FSIP1: variants seen among roughly 807,000 people sequenced by gnomAD.
The protein encoded by FSIP1 is fibrous sheath-interacting protein 1.
Under a neutral mutation model 60.9 loss-of-function variants are expected in FSIP1, and 65 were observed. The observed-to-expected ratio is 1.07, with a 90% CI of 0.87 to 1.31. FSIP1 has a LOEUF of 1.31. FSIP1 is among the 40% of genes most tolerant of loss of function. FSIP1 has a pLI of 0.00. For synonymous variants in FSIP1, 209 were observed against 221.2 expected (o/e 0.94, Z 0.49); for missense variants, 675 against 665.5 (o/e 1.01, Z -0.16).
At chr15:39,738,800 T>C (rs1177675908) in intron 7 of FSIP1, among the ~76,000 whole-genome samples, 2 of 152,210 alleles carry the variant, frequency 1.3e-5, no homozygotes, top group African/African-American at 2.4e-5. Context: ...AAGAAGATCA[T>C]ATGAATGTGG....
chr15:39,707,579 G>C (rs1263740237), intron 10 of FSIP1, among the ~76,000 whole-genome samples: 1 of 151,866 alleles, frequency 6.6e-6, no homozygotes, highest in Non-Finnish European at 1.5e-5. Flanking sequence ...CCTTATCCTG[G>C]AAACAAGCTT....
In FSIP1 at chr15:39,645,893, G is replaced by T. The variant is rs892784807; in HGVS notation, c.1189-27648C>A. ...CAGACAGAGTCCGGGGTGGAAGGGG[G>T]CAGGGTCCCCAGTAAGGCCCCACTT... On this transcript the variant is annotated intron_variant, in intron 10 of 11. Coordinates refer to ENST00000350221, the MANE Select transcript of FSIP1 (RefSeq NM_152597.5). Among the ~76,000 whole-genome samples the T allele has an allele frequency of 3.3e-5, 5 of 152,338 alleles. 1 individual carries two copies. The highest frequency in any genetic ancestry group is 6.5e-5 in the Admixed American group (1 of 15,310).
chr15:39,746,053 T>C (rs190866199), intron 5 of FSIP1, among the ~76,000 whole-genome samples: 62 of 152,094 alleles, frequency 4.1e-4, no homozygotes, highest in African/African-American at 1.5e-3. Flanking sequence ...CACTACAGCC[T>C]GGGCAACAAA....
intron 7 of FSIP1, 150 bp downstream of exon 7, chr15:39,739,515 A>G: frequency 3.0e-6 from 2 of 671,884 alleles, no homozygotes; most frequent in Non-Finnish European, 4.8e-6. Flanking sequence ...GTACTGGTTC[A>G]TAAAAGTTTT....
intron 4 of FSIP1, 95 bp downstream of exon 4, chr15:39,765,497 G>T: frequency 1.2e-6 from 1 of 859,434 alleles, no homozygotes; most frequent in Admixed American, 3.2e-5. Context: ...TCCTGCCTCA[G>T]CCTCCCTAAG....
intron 10 of FSIP1, among the ~76,000 whole-genome samples, chr15:39,669,385 C>G (rs1045872628): frequency 1.3e-5 from 2 of 152,208 alleles, no homozygotes; most frequent in Non-Finnish European, 2.9e-5. Context: ...ACATCCTGTA[C>G]CCCAAATTCT....
intron 11 of FSIP1, 85 bp from the exon 12 acceptor site, chr15:39,601,011 T>C: frequency 9.5e-7 from 1 of 1,049,146 alleles, no homozygotes; most frequent in Non-Finnish European, 1.4e-6. Flanking sequence ...TATAAAATAT[T>C]AAATCCCTTT....
intron 5 of FSIP1, among the ~76,000 whole-genome samples, chr15:39,746,391 T>C (rs1200249797): frequency 6.6e-6 from 1 of 152,236 alleles, no homozygotes; most frequent in African/African-American, 2.4e-5. Flanking sequence ...CAAATGCTGT[T>C]ACTCAACCGC....
At chr15:39,658,251 ATTTTT>A (rs71132110) in intron 10 of FSIP1, among the ~76,000 whole-genome samples, 4 of 105,284 alleles carry the variant, frequency 3.8e-5, no homozygotes, top group Non-Finnish European at 2.1e-5. Flanking sequence ...AGCAGACATG[ATTTTT>A]TTTTTTTTTT....
chr15:39,770,349 A>C, intron 3 of FSIP1, 78 bp downstream of exon 3: 2 of 1,111,888 alleles, frequency 1.8e-6, no homozygotes, highest in Non-Finnish European at 2.5e-6. Context: ...AGGTAATACT[A>C]ACACCTTAAA....
At chr15:39,681,281 T>C (rs1894150831) in intron 10 of FSIP1, among the ~76,000 whole-genome samples, 2 of 151,958 alleles carry the variant, frequency 1.3e-5, no homozygotes, top group Admixed American at 1.3e-4. Context: ...TATAGTTTTT[T>C]GGCTTTGGTT....
chr15:39,731,953 G>C (rs1896419930), intron 8 of FSIP1, among the ~76,000 whole-genome samples: 1 of 152,178 alleles, frequency 6.6e-6, no homozygotes, highest in African/African-American at 2.4e-5. Flanking sequence ...AAGTATCCTA[G>C]AGCAGAAGTC....
rs186903200 is a variant in FSIP1 at position 39,714,922 on chromosome 15, G to C, written c.1051-1341C>G. Among the ~76,000 whole-genome samples, 327 of 144,012 alleles carry C rather than the reference G, an allele frequency of 2.3e-3. 1 individual carries two copies. Among genetic ancestry groups the C allele is most frequent in the African/African-American group, 7.3e-3 (288 of 39,300 alleles). The allele number at this position is 144,012 out of a possible 152,430, so 94.5% of individuals were successfully genotyped here. On this transcript the variant is annotated intron_variant, in intron 9 of 11. Transcript: ENST00000350221. ...TGGGAGGTCGAGGCTGCAGTGAGCT[G>C]TGATCGCACCACTGCACTGCAGACT... is the stretch of plus-strand genomic sequence containing the variant.
chr15:39,722,788 GGT>G (rs1349430248), intron 9 of FSIP1, among the ~76,000 whole-genome samples: 2 of 152,036 alleles, frequency 1.3e-5, no homozygotes, highest in Non-Finnish European at 2.9e-5. Flanking sequence ...AAAATTAGCT[GGT>G]GTGATGGCAT....
chr15:39,704,068 A>T (rs1309967645), intron 10 of FSIP1, among the ~76,000 whole-genome samples: 1 of 152,228 alleles, frequency 6.6e-6, no homozygotes, highest in Admixed American at 6.5e-5. Flanking sequence ...TTAAGAGAAC[A>T]AATTTTTTAA....
At chr15:39,612,589 A>G (rs916960831) in intron 11 of FSIP1, among the ~76,000 whole-genome samples, 1 of 152,174 alleles carries the variant, frequency 6.6e-6, no homozygotes, top group African/African-American at 2.4e-5. Flanking sequence ...AAAAAACTAG[A>G]AAAAGAACCA....
chr15:39,710,427 G>C (rs1243645883), intron 10 of FSIP1, among the ~76,000 whole-genome samples: 1 of 133,136 alleles, frequency 7.5e-6, no homozygotes. Flanking sequence ...CGACAGAAGT[G>C]ATACTCTGTC....
intron 9 of FSIP1, among the ~76,000 whole-genome samples, chr15:39,724,309 T>A (rs1896102313): frequency 6.6e-6 from 1 of 151,694 alleles, no homozygotes; most frequent in South Asian, 2.1e-4. Flanking sequence ...CTGCAGTGCA[T>A]GGCACGATCT....
chr15:39,625,398 TG>T lies in FSIP1; in HGVS notation c.1189-7154del, dbSNP rs547651490. The stretch of plus-strand genomic sequence containing the variant: ...ACTATTTGAAAAAGGGCTAGAAACA[TG>T]GCTTGCCGGGGACATAAGCAGAAAA... On this transcript the variant is annotated intron_variant, in intron 10 of 11. Transcript: ENST00000350221. Among the ~76,000 whole-genome samples, 26 of 152,262 alleles carry T rather than the reference TG, an allele frequency of 1.7e-4. No homozygotes were observed. The South Asian group carries it at 5.4e-3, about 32-fold the overall frequency.
Sources: allele counts gnomAD v4.1 joint callset (sites outside exome capture counted in the v4.1 genomes callset), GRCh38; gene constraint gnomAD v4.1.1; transcripts MANE v1.5; gene names NCBI Gene and HGNC (gene_info 2026-07-23, HGNC 2026-07-21).